The following DMD variants were observed in gnomAD, a reference collection of about 807,000 sequenced individuals.
DMD encodes the protein mutant dystrophin.
DMD carries 63 observed loss-of-function variants against 330.1 expected under a neutral mutation model. The ratio of observed to expected loss-of-function variants is 0.19; its 90% CI spans 0.16 to 0.24. The LOEUF (loss-of-function observed/expected upper bound fraction) is 0.24, where lower values mean the gene tolerates loss of function less well. Ranked by LOEUF, DMD falls within the 10% of genes least tolerant of loss-of-function variation. The pLI, the probability that DMD is intolerant of heterozygous loss-of-function variation, is 1.00. For missense variants in DMD, 3,344 were observed against 2,684.1 expected, an observed-to-expected ratio of 1.25 and a Z score of -5.43; for synonymous variants, 1,223 against 959.8, an observed-to-expected ratio of 1.27 and a Z score of -5.07.
chrX:31,309,328 C>T (rs774641292), intron 62 of DMD, among the ~76,000 whole-genome samples: 14 of 111,246 alleles, frequency 1.3e-4, no homozygotes, highest in South Asian at 3.8e-4. Flanking sequence ...TTTCTAGGAT[C>T]TGCTTAAAAT....
At chrX:33,005,247 A>T (rs1016040134) in intron 2 of DMD, among the ~76,000 whole-genome samples, 2 of 107,380 alleles carry the variant, frequency 1.9e-5, no homozygotes, top group Non-Finnish European at 3.9e-5. Context: ...TAAGTAATGT[A>T]CAAACTTTTG....
intron 7 of DMD, among the ~76,000 whole-genome samples, chrX:32,730,936 G>A (rs1050982188): frequency 3.6e-5 from 4 of 111,804 alleles, no homozygotes; most frequent in Non-Finnish European, 5.6e-5. Flanking sequence ...AACAGCTCCG[G>A]TCTACAGCTC....
chrX:31,400,532 C>T (rs2061143710), intron 60 of DMD, among the ~76,000 whole-genome samples: 1 of 111,791 alleles, frequency 8.9e-6, no homozygotes, highest in Non-Finnish European at 1.9e-5. Context: ...CCTAAATTAA[C>T]TGAGACCAGT....
chrX:31,469,594 C>T (rs1360502443), intron 59 of DMD, among the ~76,000 whole-genome samples: 1 of 111,595 alleles, frequency 9.0e-6, no homozygotes, highest in Non-Finnish European at 1.9e-5. Context: ...TCTCTGGCTG[C>T]CCTTAACATT....
At position 32,573,590 on chromosome X, in the gene DMD, C is replaced by T. The variant is rs1343452250; in HGVS notation, c.1752G>A (p.Lys584=). The T allele has an allele frequency of 6.6e-6, 8 of 1,210,242 alleles. No individual in the cohort carries two copies. The highest frequency in any genetic ancestry group is 6.7e-6 in the Non-Finnish European group (6 of 895,245). The change falls in exon 15 of 79, where the codon AAG becomes AAA. Residue 584 remains lysine, a synonymous_variant. Coordinates refer to ENST00000357033, the MANE Select transcript of DMD (RefSeq NM_004006.3). Reference sequence around the variant, plus strand: ...GATCTTTAAAGCCAGTTGTGTGAATCTTGTTCACTGCATCTTCTTTTTCTG... The same window carrying T: ...GATCTTTAAAGCCAGTTGTGTGAATTTTGTTCACTGCATCTTCTTTTTCTG... The part of the protein sequence containing the change: ...WLSEKEDAVN[K]IHTTGFKDQN...
intron 7 of DMD, among the ~76,000 whole-genome samples, chrX:32,724,301 G>A (rs751942474): frequency 9.0e-6 from 1 of 111,408 alleles, no homozygotes; most frequent in Non-Finnish European, 1.9e-5. Context: ...TAATTTATAA[G>A]GCTGTTATGG....
chrX:32,239,426 C>T (rs2097199926), intron 43 of DMD, among the ~76,000 whole-genome samples: 1 of 111,794 alleles, frequency 8.9e-6, no homozygotes, highest in African/African-American at 3.2e-5. Context: ...TTCCCGTATA[C>T]TCTCTGGCCC....
chrX:31,266,205 CA>C (rs1200740802), intron 62 of DMD, among the ~76,000 whole-genome samples: 29 of 85,461 alleles, frequency 3.4e-4, no homozygotes, highest in African/African-American at 1.3e-3. Flanking sequence ...CAAAAATCCC[CA>C]CCCCCTGAAA....
chrX:32,942,143 G>C (rs936816325), intron 2 of DMD, among the ~76,000 whole-genome samples: 1 of 112,298 alleles, frequency 8.9e-6, no homozygotes, highest in African/African-American at 3.2e-5. Flanking sequence ...ACATAAGAGA[G>C]ACAGAGAAAG....
At chrX:31,505,312 C>T (rs2070825551) in intron 56 of DMD, among the ~76,000 whole-genome samples, 1 of 111,518 alleles carries the variant, frequency 9.0e-6, no homozygotes, top group South Asian at 3.8e-4. Flanking sequence ...TCCCAGTGTA[C>T]CACCACCAAG....
chrX:31,379,096 C>T (rs2060028191), intron 60 of DMD, among the ~76,000 whole-genome samples: 1 of 110,283 alleles, frequency 9.1e-6, no homozygotes, highest in African/African-American at 3.3e-5. Context: ...TCTTTCCCTC[C>T]CACCTGTCCC....
At chrX:32,191,195 G>C (rs1348381674) in intron 44 of DMD, among the ~76,000 whole-genome samples, 4 of 111,384 alleles carry the variant, frequency 3.6e-5, no homozygotes, top group Non-Finnish European at 7.5e-5. Flanking sequence ...CCCCACTTTA[G>C]CTTCTATCGA....
chrX:33,138,566 T>C (rs938930816), intron 1 of DMD, among the ~76,000 whole-genome samples: 3 of 111,653 alleles, frequency 2.7e-5, no homozygotes, highest in Admixed American at 9.5e-5. Flanking sequence ...TCTACTTTTA[T>C]TTTTTTTCTT....
At chrX:32,418,522 C>T (rs1331728618) in intron 29 of DMD, among the ~76,000 whole-genome samples, 1 of 111,159 alleles carries the variant, frequency 9.0e-6, no homozygotes, top group African/African-American at 3.3e-5. Flanking sequence ...ATAAATAATC[C>T]ACGTGAAAAC....
At chrX:33,287,315 T>C (rs778702151) in intron 1 of DMD, among the ~76,000 whole-genome samples, 2 of 110,558 alleles carry the variant, frequency 1.8e-5, no homozygotes, top group South Asian at 3.9e-4. Context: ...GTCCTTTGCA[T>C]TGTAGGATGT....
intron 44 of DMD, among the ~76,000 whole-genome samples, chrX:32,204,975 C>CCTCTCT (rs1453764947): frequency 1.7e-4 from 4 of 23,362 alleles, no homozygotes; most frequent in Admixed American, 8.8e-4. Flanking sequence ...ACATCCAAGC[C>CCTCTCT]ATCTCTCTCT....
intron 9 of DMD, among the ~76,000 whole-genome samples, chrX:32,661,216 G>A (rs1282437062): frequency 1.8e-5 from 2 of 111,304 alleles, no homozygotes; most frequent in East Asian, 2.8e-4. Flanking sequence ...TGTGTAGACT[G>A]TGCTTTAAAT....
chrX:32,441,209 C>T lies in DMD; in HGVS notation c.3892G>A (p.Gly1298Arg), dbSNP rs750349613. ...KLKTTENIPG[G>R]AEEISEVLDS... ...AGCACCTCAGAGATTTCCTCAGCTCCGCCAGGAATGTTTTCAGTGGTTTTA... is the reference window on the plus strand; with the variant it reads ...AGCACCTCAGAGATTTCCTCAGCTCTGCCAGGAATGTTTTCAGTGGTTTTA... The change falls in exon 28 of 79, where the codon GGA (glycine) becomes AGA (arginine). Residue 1298 changes from glycine to arginine, a missense_variant. By Grantham distance (125) the Gly-to-Arg change is moderately radical. Transcript: ENST00000357033. 44 of 1,207,066 alleles carry T rather than the reference C, an allele frequency of 3.6e-5. No homozygotes were observed. Among genetic ancestry groups the T allele is most frequent in the South Asian group, 2.3e-4 (13 of 56,782 alleles).
intron 7 of DMD, among the ~76,000 whole-genome samples, chrX:32,740,836 G>T (rs1008712552): frequency 9.0e-6 from 1 of 111,215 alleles, no homozygotes; most frequent in African/African-American, 3.3e-5. Flanking sequence ...TTATCCCAAG[G>T]TTGGCATTGA....
Sources: gnomAD v4.1 joint callset for allele counts (sites outside exome capture counted in the v4.1 genomes callset) on GRCh38, gnomAD v4.1.1 for gene constraint, MANE v1.5 for transcripts, NCBI Gene and HGNC (gene_info 2026-07-23, HGNC 2026-07-21) for gene names.